Variants in ROCK2 observed in about 807,000 individuals in gnomAD.
ROCK2 encodes rho-associated protein kinase 2.
In ROCK2, 61 loss-of-function variants were observed where a neutral mutation model predicts 195.1. The ratio of observed to expected loss-of-function variants is 0.31; its 90% CI spans 0.25 to 0.39. The LOEUF (loss-of-function observed/expected upper bound fraction) is 0.39, where lower values mean the gene tolerates loss of function less well. Ranked by LOEUF, ROCK2 falls within the 10% of genes least tolerant of loss-of-function variation. The probability of loss-of-function intolerance (pLI) is 1.00; values close to 1 mark genes in which losing one functional copy is unlikely to be tolerated. For synonymous variants in ROCK2, 504 were observed against 545.5 expected, an observed-to-expected ratio of 0.92 and a Z score of 1.06; for missense variants, 1,109 against 1,637.4, an observed-to-expected ratio of 0.68 and a Z score of 5.57.
Position 11,200,594 on chromosome 2 carries a change from T to C in ROCK2, c.2910+363A>G, listed in dbSNP as rs75280626. Among the ~76,000 whole-genome samples, 840 of 152,324 alleles carry C rather than the reference T, an allele frequency of 5.5e-3. 8 individuals are homozygous for C. The highest frequency in any genetic ancestry group is 0.024 in the Middle Eastern group (7 of 294). ...CATTTCAATAGGTCTAGTTAATTGA[T>C]AGGGTAAACCTAACTACTTGATATT... On this transcript the variant is annotated intron_variant, in intron 23 of 32. Transcript: ENST00000315872.
intron 1 of ROCK2, 68 bp from the exon 2 acceptor site, chr2:11,287,804 T>C: frequency 1.8e-6 from 1 of 566,708 alleles, no homozygotes; most frequent in East Asian, 3.3e-5. Context: ...AAAAAGTCTT[T>C]TAATTTTATT....
chr2:11,212,761 GA>G (rs974060623), intron 17 of ROCK2, among the ~76,000 whole-genome samples: 71 of 144,322 alleles, frequency 4.9e-4, no homozygotes, highest in East Asian at 8.0e-4. Context: ...TCCTAAAAAA[GA>G]AAAAAAAAAA....
chr2:11,218,892 T>C, intron 10 of ROCK2, 74 bp downstream of exon 10: 2 of 870,360 alleles, frequency 2.3e-6, no homozygotes, highest in South Asian at 3.8e-5. Flanking sequence ...AATTAGCTTT[T>C]TAAAAACATG....
At position 11,200,938 on chromosome 2, in the gene ROCK2, CA is replaced by C. The variant is rs1236383284; in HGVS notation, c.2910+18del. On this transcript the variant is annotated intron_variant, in intron 23 of 32. Transcript: ENST00000315872. Reference sequence around the variant, plus strand: ...GCAATTTAACTATAATCCAAAAAAGCACCAAGAATTTGACTTACAGAAGCAA... The same window carrying C: ...GCAATTTAACTATAATCCAAAAAAGCCCAAGAATTTGACTTACAGAAGCAA... The C allele has an allele frequency of 6.4e-7, 1 of 1,572,282 alleles. No individual in the cohort carries two copies. Among genetic ancestry groups the C allele is most frequent in the Non-Finnish European group, 8.6e-7 (1 of 1,162,472 alleles).
chr2:11,220,484 T>C lies in ROCK2; in HGVS notation c.1259+714A>G, dbSNP rs141291725. Reference sequence around the variant, plus strand: ...TTCTAATCTTACATCCAATACTCACTTCAGTTAACCAATATTTATTGAATG... The same window carrying C: ...TTCTAATCTTACATCCAATACTCACCTCAGTTAACCAATATTTATTGAATG... On this transcript the variant is annotated intron_variant, in intron 9 of 32. Transcript: ENST00000315872. Among the ~76,000 whole-genome samples, 19 of 152,284 alleles carry C rather than the reference T, an allele frequency of 1.2e-4. No homozygotes were observed. In the East Asian group the frequency reaches 3.5e-3, roughly 28 times the overall value.
Position 11,214,392 on chromosome 2 carries a change from T to G in ROCK2, c.2008A>C (p.Arg670=). Residue 670 remains arginine, a synonymous_variant, in exon 17 of 33, where the codon AGA becomes CGA. Transcript: ENST00000315872. The stretch of plus-strand genomic sequence containing the variant: ...TCAGTAAATCTCTCCTGAAGTTGTC[T>G]CTTCTCCAGTTCTACTTTCGCTAGT... ...ILLAKVELEK[R]QLQERFTDLE... is the part of the protein sequence containing the mutation. 6.2e-7 allele frequency: 1 copy of G among 1,605,800 alleles called. No individual in the cohort carries two copies. Among genetic ancestry groups the G allele is most frequent in the Non-Finnish European group, 8.5e-7 (1 of 1,173,226 alleles).
intron 4 of ROCK2, among the ~76,000 whole-genome samples, chr2:11,248,966 G>A (rs1665730716): frequency 6.6e-6 from 1 of 151,932 alleles, no homozygotes; most frequent in Non-Finnish European, 1.5e-5. Context: ...TACAATCTCG[G>A]CTCACTGCAA....
chr2:11,335,867 A>T (rs1185354331), intron 1 of ROCK2, among the ~76,000 whole-genome samples: 1 of 152,246 alleles, frequency 6.6e-6, no homozygotes, highest in East Asian at 1.9e-4. Context: ...CTGGTAACAG[A>T]GAATTTCCTA....
At chr2:11,239,122 A>G (rs1250669873) in intron 4 of ROCK2, among the ~76,000 whole-genome samples, 2 of 152,198 alleles carry the variant, frequency 1.3e-5, no homozygotes, top group African/African-American at 2.4e-5. Flanking sequence ...TCTTAAAAAA[A>G]CACAGGAGAA....
chr2:11,215,487 A>G (rs1664394399), intron 14 of ROCK2, 23 bp downstream of exon 14: 1 of 1,609,456 alleles, frequency 6.2e-7, no homozygotes. Context: ...CTTGATGAGT[A>G]ATTAATATTC....
chr2:11,317,576 T>TTATATA lies in ROCK2; in HGVS notation c.141+26414_141+26419dup, dbSNP rs1156983946. ...TTTAAAGCCGCCCTGATCTACACAT[T>TTATATA]TATATATATATATATATATATATAT... On this transcript the variant is annotated intron_variant, in intron 1 of 32. Transcript: ENST00000315872. 2.0e-3 allele frequency among the ~76,000 whole-genome samples: 58 copies of TTATATA among 29,562 alleles called. 1 individual carries two copies. Among genetic ancestry groups the TTATATA allele is most frequent in the Middle Eastern group, 0.031 (1 of 32 alleles). 19.4% of individuals were successfully genotyped at this position (29,562 alleles called of 152,430 possible).
chr2:11,217,317 CTT>C (rs1370702767), intron 11 of ROCK2, 148 bp from the exon 12 acceptor site: 1 of 726,566 alleles, frequency 1.4e-6, no homozygotes, highest in East Asian at 2.7e-5. Context: ...CTTAATGTGA[CTT>C]ATATTGATAA....
rs957284954 is a variant in ROCK2 at position 11,235,044 on chromosome 2, A to G, written c.723+658T>C. Among the ~76,000 whole-genome samples the G allele has an allele frequency of 1.3e-5, 2 of 152,200 alleles. No homozygotes were observed. Among genetic ancestry groups the G allele is most frequent in the African/African-American group, 4.8e-5 (2 of 41,454 alleles). ...GTCGACTCCTAGGACCAACAGGGTA[A>G]TACAAAGGAAACAGAACCGATCCCT... On this transcript the variant is annotated intron_variant, in intron 5 of 32. Transcript: ENST00000315872. The surrounding 1 kb of genome is among the most constrained non-coding windows in gnomAD (Gnocchi z 4.2).
intron 5 of ROCK2, among the ~76,000 whole-genome samples, chr2:11,228,092 G>C (rs1664876504): frequency 6.6e-6 from 1 of 152,150 alleles, no homozygotes; most frequent in African/African-American, 2.4e-5. Context: ...AACCATTATA[G>C]GGGTGTGTGT....
rs998602458 is a variant in ROCK2, at chr2:11,182,149, A to C, written c.*1288T>G. 1 of 152,232 alleles carries C rather than the reference A, an allele frequency of 6.6e-6. No homozygotes were observed. Among genetic ancestry groups the C allele is most frequent in the Non-Finnish European group, 1.5e-5 (1 of 68,038 alleles). 9.4% of individuals were successfully genotyped at this position (152,232 alleles called of 1,614,324 possible). On this transcript the variant is annotated 3_prime_UTR_variant, in exon 33 of 33. Coordinates refer to ENST00000315872, the MANE Select transcript of ROCK2 (RefSeq NM_004850.5). ...CTGTAACTTTGACAGCATTTAAAAA[A>C]TAAAAATCAAATTAAGTGCCTTTGA...
At chr2:11,195,464 A>G (rs1305216549) in intron 27 of ROCK2, among the ~76,000 whole-genome samples, 1 of 152,170 alleles carries the variant, frequency 6.6e-6, no homozygotes, top group African/African-American at 2.4e-5. Flanking sequence ...TTCAGAGAAA[A>G]TGGACTTTTA....
chr2:11,191,048 T>A (rs1572220190), intron 32 of ROCK2, among the ~76,000 whole-genome samples: 1 of 152,308 alleles, frequency 6.6e-6, no homozygotes, highest in Non-Finnish European at 1.5e-5. Flanking sequence ...GAAAGTTTCA[T>A]CTAAGATGTT....
At chr2:11,311,828 ACTG>A (rs1349316103) in intron 1 of ROCK2, among the ~76,000 whole-genome samples, 22 of 152,292 alleles carry the variant, frequency 1.4e-4, no homozygotes, top group Non-Finnish European at 2.9e-5. Flanking sequence ...CTTCAAAATC[ACTG>A]CTATTAATAT....
intron 3 of ROCK2, among the ~76,000 whole-genome samples, chr2:11,268,986 A>C (rs938132495): frequency 1.3e-5 from 2 of 151,960 alleles, no homozygotes; most frequent in African/African-American, 2.4e-5. Flanking sequence ...AGTAATCTTC[A>C]TTTTACTATA....
Sources: allele counts gnomAD v4.1 joint callset (sites outside exome capture counted in the v4.1 genomes callset), GRCh38; gene constraint gnomAD v4.1.1; non-coding constraint Gnocchi (gnomAD v3.1); transcripts MANE v1.5; gene names NCBI Gene and HGNC (gene_info 2026-07-23, HGNC 2026-07-21).